Variants in CYP20A1 observed in about 807,000 individuals in gnomAD.
CYP20A1 encodes cytochrome P450 20A1.
CYP20A1 carries 61 observed loss-of-function variants against 61.4 expected under a neutral mutation model. That is an observed-to-expected ratio of 0.99 (90% CI 0.81 to 1.23). The LOEUF is 1.23. CYP20A1 is among the 50% of genes most tolerant of loss of function. The pLI is 0.00. For missense variants in CYP20A1, 530 were observed against 542.4 expected, an observed-to-expected ratio of 0.98 and a Z score of 0.23; for synonymous variants, 193 against 188.2, an observed-to-expected ratio of 1.03 and a Z score of -0.21.
rs139794081 is a variant in CYP20A1, at chr2:203,253,199, C to T, written c.432+1090C>T. On this transcript the variant is annotated intron_variant, in intron 4 of 12. Transcript: ENST00000356079. ...CTGTCCCCACGGGTCCTGCCTTGGG[C>T]CCCAAAACCTTACTGCGGTTCCTGA... Among the ~76,000 whole-genome samples the T allele has an allele frequency of 1.1e-4, 16 of 152,284 alleles. No homozygotes were observed. In the East Asian group the frequency reaches 3.1e-3, roughly 29 times the overall value.
At chr2:203,271,088 T>A (rs1395278516) in intron 5 of CYP20A1, among the ~76,000 whole-genome samples, 35 of 87,254 alleles carry the variant, frequency 4.0e-4, no homozygotes, top group East Asian at 1.7e-3. Flanking sequence ...ATATATTTTT[T>A]TTTTTTTTTT....
intron 5 of CYP20A1, among the ~76,000 whole-genome samples, chr2:203,271,455 T>TA (rs1260900953): frequency 6.6e-6 from 1 of 152,146 alleles, no homozygotes; most frequent in Non-Finnish European, 1.5e-5. Context: ...TTGAGGACTT[T>TA]AAAAAATCTA....
chr2:203,246,506 T>G (rs1026279933), intron 2 of CYP20A1, among the ~76,000 whole-genome samples: 1 of 152,230 alleles, frequency 6.6e-6, no homozygotes, highest in Non-Finnish European at 1.5e-5. Flanking sequence ...AGTCGGATGT[T>G]CCTATGGAGC....
At chr2:203,277,619 G>A (rs912381352) in intron 6 of CYP20A1, among the ~76,000 whole-genome samples, 2 of 151,772 alleles carry the variant, frequency 1.3e-5, no homozygotes, top group African/African-American at 2.4e-5. Context: ...AGGTTCAAGC[G>A]ATTCTCCTGC....
Position 203,263,578 on chromosome 2 carries a change from G to A in CYP20A1, c.433-2936G>A, listed in dbSNP as rs181109875. Among the ~76,000 whole-genome samples the A allele has an allele frequency of 5.3e-4, 81 of 152,242 alleles. 2 individuals are homozygous for A. Among genetic ancestry groups the A allele is most frequent in the Admixed American group, 2.2e-3 (33 of 15,286 alleles). On this transcript the variant is annotated intron_variant, in intron 4 of 12. Coordinates refer to ENST00000356079, the MANE Select transcript of CYP20A1 (RefSeq NM_177538.3). Reference sequence around the variant, plus strand: ...GCTGGAATTACCGGCGTGAGCCACCGCTCCCGGCCCGTATGCAAGTTTTGA... The same window carrying A: ...GCTGGAATTACCGGCGTGAGCCACCACTCCCGGCCCGTATGCAAGTTTTGA...
At chr2:203,241,712 T>C (rs1269487701) in intron 1 of CYP20A1, among the ~76,000 whole-genome samples, 3 of 152,242 alleles carry the variant, frequency 2.0e-5, no homozygotes, top group Admixed American at 2.0e-4. Flanking sequence ...TTGCCCAGGC[T>C]ACAGTGCAGT....
intron 4 of CYP20A1, among the ~76,000 whole-genome samples, chr2:203,256,461 G>A (rs2066896956): frequency 6.6e-6 from 1 of 152,138 alleles, no homozygotes; most frequent in Admixed American, 6.6e-5. Context: ...CCGGGTTCAA[G>A]CAATTCTCCT....
chr2:203,266,419 T>C (rs2067325096), intron 4 of CYP20A1, 95 bp from the exon 5 acceptor site: 1 of 1,103,410 alleles, frequency 9.1e-7, no homozygotes, highest in Non-Finnish European at 1.3e-6. Flanking sequence ...GTTACAGAGT[T>C]TAACTGTTTG....
chr2:203,269,780 C>G (rs571658041), intron 5 of CYP20A1, among the ~76,000 whole-genome samples: 2 of 152,092 alleles, frequency 1.3e-5, no homozygotes, highest in East Asian at 3.9e-4. Context: ...AGGTGCTTGT[C>G]ACCACGCCCA....
rs1193617076 is a variant in CYP20A1, at chr2:203,296,959, T to A, written c.*51T>A. 1 of 1,102,502 alleles carries A rather than the reference T, an allele frequency of 9.1e-7. No homozygotes were observed. Among genetic ancestry groups the A allele is most frequent in the African/African-American group, 1.6e-5 (1 of 61,546 alleles). 68.3% of individuals were successfully genotyped at this position (1,102,502 alleles called of 1,614,324 possible). A position where few individuals can be genotyped will look rare whatever the true frequency, so the allele number is the denominator to read the frequency against. On this transcript the variant is annotated 3_prime_UTR_variant, in exon 13 of 13. Transcript: ENST00000356079. ...TAAATTGATTGAGGAAAACAACCAT[T>A]TAAAAAAAATCTATGTTGAATCCTT...
chr2:203,268,013 C>T (rs956507113), intron 5 of CYP20A1, among the ~76,000 whole-genome samples: 3 of 151,810 alleles, frequency 2.0e-5, no homozygotes, highest in African/African-American at 7.3e-5. Flanking sequence ...ATACAAGGAA[C>T]TCCCTCCCTC....
chr2:203,246,289 C>T (rs1272923734), intron 2 of CYP20A1, among the ~76,000 whole-genome samples: 2 of 152,192 alleles, frequency 1.3e-5, no homozygotes, highest in African/African-American at 4.8e-5. Context: ...GTAACCTAAA[C>T]TTTGTTAACA....
intron 4 of CYP20A1, among the ~76,000 whole-genome samples, chr2:203,253,881 A>G (rs1411630680): frequency 1.3e-5 from 2 of 151,162 alleles, no homozygotes; most frequent in East Asian, 3.9e-4. Flanking sequence ...GGCTTTCTGG[A>G]CAGTGTTATC....
intron 6 of CYP20A1, among the ~76,000 whole-genome samples, 153 bp downstream of exon 6, chr2:203,272,901 G>A (rs1469354693): frequency 6.7e-6 from 1 of 150,296 alleles, no homozygotes; most frequent in Non-Finnish European, 1.5e-5. Flanking sequence ...AGGCTGGAGT[G>A]CAGTGGTGCG....
In CYP20A1 at chr2:203,252,073, T is replaced by C. The variant is rs1408491108; in HGVS notation, c.396T>C (p.Thr132=). Residue 132 remains threonine (T), a synonymous_variant, in exon 4 of 13, where the codon ACT becomes ACC. Transcript: ENST00000356079. ...MRKKLYENGV[T]DSLKSNFALL... is the part of the protein sequence containing the mutation. Reference sequence around the variant, plus strand: ...AAAAATTGTATGAAAATGGTGTGACTGATTCTCTGAAGAGTAACTTTGCCC... The same window carrying C: ...AAAAATTGTATGAAAATGGTGTGACCGATTCTCTGAAGAGTAACTTTGCCC... 7.5e-6 allele frequency: 12 copies of C among 1,609,368 alleles called. No individual in the cohort carries two copies. The highest frequency in any genetic ancestry group is 9.3e-6 in the Non-Finnish European group (11 of 1,177,576).
intron 10 of CYP20A1, among the ~76,000 whole-genome samples, chr2:203,291,330 C>T (rs1222742428): frequency 6.6e-6 from 1 of 152,202 alleles, no homozygotes; most frequent in East Asian, 1.9e-4. Flanking sequence ...AGCCACTGCA[C>T]TGGGCCATGT....
chr2:203,304,274 T>G lies in CYP20A1; in HGVS notation c.*7366T>G, dbSNP rs1432594668. Among the ~76,000 whole-genome samples, 1 of 151,572 alleles carries G rather than the reference T, an allele frequency of 6.6e-6. No individual in the cohort carries two copies. Among genetic ancestry groups the G allele is most frequent in the Non-Finnish European group, 1.5e-5 (1 of 67,912 alleles). On this transcript the variant is annotated 3_prime_UTR_variant, in exon 13 of 13. Transcript: ENST00000356079. ...GTGCAGTGGCATGATCTGGGCTCAC[T>G]ACAACCTCCATCTCCCCAGTTCAAG...
intron 5 of CYP20A1, among the ~76,000 whole-genome samples, chr2:203,267,551 A>G (rs533549231): frequency 6.6e-6 from 1 of 151,692 alleles, no homozygotes; most frequent in Admixed American, 6.6e-5. Flanking sequence ...AAAAAAAAAA[A>G]AGAAAGATCT....
chr2:203,278,543 T>C, intron 6 of CYP20A1, 30 bp from the exon 7 acceptor site: 1 of 1,119,178 alleles, frequency 8.9e-7, no homozygotes, highest in African/African-American at 1.6e-5. Context: ...AATGCTTGTA[T>C]TCTAAAATTA....
Sources: allele counts gnomAD v4.1 joint callset (sites outside exome capture counted in the v4.1 genomes callset), GRCh38; gene constraint gnomAD v4.1.1; transcripts MANE v1.5; gene names NCBI Gene and HGNC (gene_info 2026-07-23, HGNC 2026-07-21).